Variants in USP42 observed in about 807,000 individuals in gnomAD.
USP42 encodes the protein ubiquitin carboxyl-terminal hydrolase 42.
A neutral mutation model predicts 113.0 loss-of-function variants in USP42; 23 were observed. That is an observed-to-expected ratio of 0.20 (90% CI 0.15 to 0.29). The LOEUF is 0.29. Ranked by LOEUF, USP42 falls within the 10% of genes least tolerant of loss-of-function variation. The pLI is 1.00. For synonymous variants in USP42, 933 were observed against 699.0 expected (o/e 1.33, Z -5.28); for missense variants, 2,174 against 1,779.8 (o/e 1.22, Z -3.99).
chr7:6,086,902 AT>A, the USP42 span, among the ~76,000 whole-genome samples: 2 of 148,206 alleles, frequency 1.3e-5, no homozygotes, highest in African/African-American at 5.1e-5. Context: ...AATTTTTTGT[AT>A]TTTTAGTAGA....
At chr7:6,103,232 G>C (rs1459549585), upstream of USP42, among the ~76,000 whole-genome samples, 3 of 150,958 alleles carry the variant, frequency 2.0e-5, no homozygotes, top group African/African-American at 7.4e-5. Context: ...TGTCTCCTAA[G>C]CCTGTACAAT....
At chr7:6,091,859 C>CT in the USP42 span, among the ~76,000 whole-genome samples, 4 of 150,692 alleles carry the variant, frequency 2.7e-5, no homozygotes, top group African/African-American at 9.9e-5. Context: ...ATAGCTGGGA[C>CT]TACAGGGGTG....
intron 3 of USP42, 88 bp from the exon 4 acceptor site, chr7:6,135,753 C>A: frequency 2.0e-6 from 1 of 496,088 alleles, no homozygotes; most frequent in Non-Finnish European, 3.4e-6. Flanking sequence ...TATTTCATTT[C>A]AGGTGTGTGC....
intron 2 of USP42, among the ~76,000 whole-genome samples, chr7:6,112,238 C>T (rs533875072): frequency 1.3e-5 from 2 of 152,140 alleles, no homozygotes; most frequent in Non-Finnish European, 1.5e-5. Flanking sequence ...CACCTGAGGT[C>T]AGGAGTTTGA....
At chr7:6,102,449 T>A (rs1429022853), upstream of USP42, among the ~76,000 whole-genome samples, 2 of 149,702 alleles carry the variant, frequency 1.3e-5, no homozygotes, top group Admixed American at 1.3e-4. Context: ...AGGGACCAGT[T>A]TGTCAACAGC....
chr7:6,150,608 A>C (rs928445686), intron 14 of USP42, 102 bp downstream of exon 14: 1 of 989,004 alleles, frequency 1.0e-6, no homozygotes, highest in Non-Finnish European at 1.6e-6. Context: ...TTTATAATGA[A>C]CATTTTGAAT....
Position 6,157,863 on chromosome 7 carries a change from G to C in USP42, c.3943+808G>C, listed in dbSNP as rs1782551498. 6.6e-6 allele frequency among the ~76,000 whole-genome samples: 1 copy of C among 152,158 alleles called. No homozygotes were observed. The highest frequency in any genetic ancestry group is 1.5e-5 in the Non-Finnish European group (1 of 68,024). ...ATTCTCTTCTGCCCTGTGGGGCTGT[G>C]TCTCCGTCCTGTGGCCACACGCTGT... On this transcript the variant is annotated intron_variant, in intron 16 of 17. Coordinates refer to ENST00000306177, the MANE Select transcript of USP42 (RefSeq NM_032172.3). This position sits in a 1 kb window ranked among gnomAD's most constrained non-coding sequence, Gnocchi z 4.1.
chr7:6,082,579 T>G, the USP42 span, among the ~76,000 whole-genome samples: 44 of 148,498 alleles, frequency 3.0e-4, no homozygotes, highest in Non-Finnish European at 5.5e-4. Flanking sequence ...ATAAGGAGAC[T>G]GCGTCTCTAT....
intron 10 of USP42, among the ~76,000 whole-genome samples, 159 bp downstream of exon 10, chr7:6,145,815 A>G (rs914831547): frequency 6.6e-6 from 1 of 152,186 alleles, no homozygotes; most frequent in Non-Finnish European, 1.5e-5. Flanking sequence ...TACTCCTGTA[A>G]TCCCTACACT....
In USP42 at chr7:6,153,764, G is replaced by T; in HGVS notation, c.2210G>T (p.Gly737Val). 2.0e-6 allele frequency: 3 copies of T among 1,465,976 alleles called. No homozygotes were observed. The highest frequency in any genetic ancestry group is 2.7e-6 in the Non-Finnish European group (3 of 1,106,370). The allele number at this position is 1,465,976 out of a possible 1,614,324, so 90.8% of individuals were successfully genotyped here. The change falls in exon 15 of 18, where the codon GGA becomes GTA. Residue 737 changes from glycine to valine, a missense_variant. Transcript: ENST00000306177. The part of the protein sequence containing the change: ...KGSTDEMSAP[G>V]AERGPPEDRD... ...TTGTTTGGGGGCTGCAGTGCACCTG[G>T]AGCAGAGAGGGGCCCTCCCGAGGAC...
At chr7:6,132,255 T>C (rs1780890401) in intron 3 of USP42, among the ~76,000 whole-genome samples, 1 of 152,240 alleles carries the variant, frequency 6.6e-6, no homozygotes, top group Non-Finnish European at 1.5e-5. Context: ...TGAAAGATAT[T>C]ATTCCACTGT....
Position 6,157,057 on chromosome 7 carries a change from T to G in USP42, c.3943+2T>G. 6.3e-7 allele frequency: 1 copy of G among 1,577,782 alleles called. No homozygotes were observed. The highest frequency in any genetic ancestry group is 8.6e-7 in the Non-Finnish European group (1 of 1,166,190). ...GTCGTCTCTTTGAGTATGGCCAGGG[T>G]AAGAGGAGATACTTGGAATTAGGAA... On this transcript the variant is annotated splice_donor_variant, in intron 16 of 17. Coordinates refer to ENST00000306177, the MANE Select transcript of USP42 (RefSeq NM_032172.3). LOFTEE classifies it high-confidence loss of function. The surrounding 1 kb of genome is among the most constrained non-coding windows in gnomAD (Gnocchi z 4.1).
chr7:6,154,042 C>G lies in USP42; in HGVS notation c.2488C>G (p.Pro830Ala), dbSNP rs754337929. The change falls in exon 15 of 18, where the codon CCG (proline) becomes GCG (alanine). Residue 830 changes from proline (P) to alanine (A), a missense_variant. Physicochemically the swap from Pro to Ala is conservative, Grantham distance 27. Coordinates refer to ENST00000306177, the MANE Select transcript of USP42 (RefSeq NM_032172.3). ...CGGGAGCTTAACAGGCGATGCGAGC[C>G]CGTTGTCCCAGGACGCAAAGGGGAT... The part of the protein sequence containing the change: ...DPGSLTGDAS[P>A]LSQDAKGMIA... 4 of 1,605,506 alleles carry G rather than the reference C, an allele frequency of 2.5e-6. No homozygotes were observed. In the Admixed American group the frequency reaches 5.0e-5, roughly 20 times the overall value.
Position 6,150,447 on chromosome 7 carries a change from C to G in USP42, c.2142C>G (p.Asp714Glu). The stretch of plus-strand genomic sequence containing the variant: ...CTCCTTTGCTGTCTCTCCCAGAAGA[C>G]AAAATCTTAGAGACCTTCAGGCTTA... Reference protein sequence around the residue: ...MPAPLLSLPEDKILETFRLSN... With the variant: ...MPAPLLSLPEEKILETFRLSN... The change falls in exon 14 of 18, where the codon GAC (aspartate) becomes GAG (glutamate). Residue 714 changes from aspartate to glutamate, a missense_variant. By Grantham distance (45) the Asp-to-Glu change is conservative (BLOSUM62 2). Coordinates refer to ENST00000306177, the MANE Select transcript of USP42 (RefSeq NM_032172.3). 3.7e-6 allele frequency: 6 copies of G among 1,613,930 alleles called. No individual in the cohort carries two copies. The highest frequency in any genetic ancestry group is 5.1e-6 in the Non-Finnish European group (6 of 1,179,884).
At chr7:6,155,320 T>C in intron 15 of USP42, 125 bp downstream of exon 15, 2 of 1,391,580 alleles carry the variant, frequency 1.4e-6, no homozygotes, top group Non-Finnish European at 1.9e-6. Flanking sequence ...CTGATTTGTG[T>C]CTTTCATTTC....
the USP42 span, among the ~76,000 whole-genome samples, chr7:6,091,528 C>T: frequency 6.6e-6 from 1 of 150,714 alleles, no homozygotes; most frequent in African/African-American, 2.5e-5. Context: ...ATGCCCAGTG[C>T]CATACATAGC....
Position 6,159,343 on chromosome 7 carries a change from G to C in USP42, c.3944-107G>C. The C allele has an allele frequency of 6.7e-7, 1 of 1,483,084 alleles. No homozygotes were observed. Among genetic ancestry groups the C allele is most frequent in the East Asian group, 2.3e-5 (1 of 43,942 alleles). The allele number at this position is 1,483,084 out of a possible 1,614,324, so 91.9% of individuals were successfully genotyped here. On this transcript the variant is annotated intron_variant, in intron 16 of 17. Transcript: ENST00000306177. The surrounding 1 kb of genome is among the most constrained non-coding windows in gnomAD (Gnocchi z 4.1). ...GGGGAGTGGCCTCAGGCGCTCACAG[G>C]GAACCGCAGTGACTCTGACCATAGC...
At chr7:6,132,359 G>C (rs1424695864) in intron 3 of USP42, among the ~76,000 whole-genome samples, 7 of 151,870 alleles carry the variant, frequency 4.6e-5, no homozygotes, top group Admixed American at 3.3e-4. Context: ...TTTTTGTTTT[G>C]TTTCTTGTGT....
intron 3 of USP42, chr7:6,128,147 C>A (rs1780642404): frequency 6.6e-6 from 1 of 152,022 alleles, no homozygotes; most frequent in South Asian, 2.1e-4. Flanking sequence ...GAGATTTGGT[C>A]TCGCTGTGTT....
Sources: gnomAD v4.1 joint callset for allele counts (sites outside exome capture counted in the v4.1 genomes callset) on GRCh38, gnomAD v4.1.1 for gene constraint, Gnocchi (gnomAD v3.1) non-coding constraint, MANE v1.5 for transcripts, NCBI Gene and HGNC (gene_info 2026-07-23, HGNC 2026-07-21) for gene names.